EDARADD: variants seen among roughly 807,000 people sequenced by gnomAD.
The protein encoded by EDARADD is ectodysplasin-A receptor-associated adapter protein.
In EDARADD, 20 loss-of-function variants were observed where a neutral mutation model predicts 25.6. The ratio of observed to expected loss-of-function variants is 0.78; its 90% CI spans 0.55 to 1.14. EDARADD has a LOEUF of 1.14. Among genes scored for constraint, EDARADD ranks in the 50% most tolerant of loss-of-function variants. The pLI is 0.00. For synonymous variants in EDARADD, 86 were observed against 94.4 expected (o/e 0.91, Z 0.52); for missense variants, 225 against 270.1 (o/e 0.83, Z 1.17).
rs912660707 is a variant in EDARADD, at chr1:236,421,034, A to G, written c.161-6358A>G. ...CAGGTGTGAGCCACTGTGCCCTGCC[A>G]GGAGAATGTGTTTTGATTGTCTCCT... On this transcript the variant is annotated intron_variant, in intron 3 of 5. Transcript: ENST00000334232. Among the ~76,000 whole-genome samples, 127 of 146,086 alleles carry G rather than the reference A, an allele frequency of 8.7e-4. 7 individuals are homozygous for G. Among genetic ancestry groups the G allele is most frequent in the Non-Finnish European group, 1.5e-3 (101 of 66,146 alleles).
chr1:236,474,075 G>T (rs1169472956), intron 5 of EDARADD, among the ~76,000 whole-genome samples: 3 of 152,078 alleles, frequency 2.0e-5, no homozygotes, highest in Non-Finnish European at 2.9e-5. Context: ...GTTCCTAGAG[G>T]TTCAATGCCC....
At position 236,445,231 on chromosome 1, in the gene EDARADD, A is replaced by ATTTTTTTTTTTTTTTTT. The variant is rs1415805260; in HGVS notation, c.219+17783_219+17784insTTTTTTTTTTTTTTTTT. On this transcript the variant is annotated intron_variant, in intron 4 of 5. Transcript: ENST00000334232. ...TATTGCATTAGCTGGGACATAATAAATTCTTTTTTTTTTTGAGACAGAGTC... is the reference window on the plus strand; with the variant it reads ...TATTGCATTAGCTGGGACATAATAAATTTTTTTTTTTTTTTTTTTCTTTTTTTTTTTGAGACAGAGTC... 1.0e-3 allele frequency among the ~76,000 whole-genome samples: 49 copies of ATTTTTTTTTTTTTTTTT among 47,278 alleles called. 3 individuals carry two copies. Among genetic ancestry groups the ATTTTTTTTTTTTTTTTT allele is most frequent in the Non-Finnish European group, 2.2e-3 (32 of 14,664 alleles). The allele number at this position is 47,278 out of a possible 152,430, so 31.0% of individuals were successfully genotyped here.
intron 3 of EDARADD, among the ~76,000 whole-genome samples, chr1:236,419,285 G>T (rs1415983141): frequency 6.6e-6 from 1 of 152,062 alleles, no homozygotes; most frequent in Non-Finnish European, 1.5e-5. Flanking sequence ...TCCCAGCTAC[G>T]TGGGAGGCTT....
intron 4 of EDARADD, among the ~76,000 whole-genome samples, chr1:236,451,801 C>T (rs1459599213): frequency 6.6e-6 from 1 of 152,118 alleles, no homozygotes; most frequent in African/African-American, 2.4e-5. Context: ...GGACCTGGCT[C>T]TCTCCCTCCT....
chr1:236,360,366 G>A (rs1049286923), intron 3 of EDARADD, among the ~76,000 whole-genome samples: 12 of 151,678 alleles, frequency 7.9e-5, no homozygotes, highest in African/African-American at 2.4e-4. Flanking sequence ...GTACTTAGGA[G>A]ACTAGAAGGA....
chr1:236,421,364 C>T (rs1275936038), intron 3 of EDARADD, among the ~76,000 whole-genome samples: 3 of 145,082 alleles, frequency 2.1e-5, no homozygotes, highest in Non-Finnish European at 4.5e-5. Context: ...AAGCCCATTA[C>T]AAAAAGAGAA....
At chr1:236,353,713 G>A (rs1666944955) in intron 3 of EDARADD, among the ~76,000 whole-genome samples, 1 of 150,756 alleles carries the variant, frequency 6.6e-6, no homozygotes, top group South Asian at 2.1e-4. Context: ...TTGGACTAAG[G>A]TTGGTGTTTA....
At chr1:236,428,790 G>A (rs1333760366) in intron 4 of EDARADD, among the ~76,000 whole-genome samples, 2 of 151,364 alleles carry the variant, frequency 1.3e-5, no homozygotes, top group Non-Finnish European at 3.0e-5. Context: ...CAGGCGGCTG[G>A]GAGGTGGAGG....
chr1:236,443,694 TG>T lies in EDARADD; in HGVS notation c.219+16246del, dbSNP rs1335258066. 2.6e-5 allele frequency among the ~76,000 whole-genome samples: 4 copies of T among 152,242 alleles called. No individual in the cohort carries two copies. In the East Asian group the frequency reaches 7.7e-4, roughly 29 times the overall value. ...AGTTTCTTGTGATGGAATCTGCTCC[TG>T]GCAAAAATGCTGTGAACGTTGTTGA... On this transcript the variant is annotated intron_variant, in intron 4 of 5. Transcript: ENST00000334232.
At chr1:236,364,457 A>G (rs891078142) in intron 3 of EDARADD, among the ~76,000 whole-genome samples, 6 of 152,216 alleles carry the variant, frequency 3.9e-5, no homozygotes, top group Non-Finnish European at 5.9e-5. Context: ...TTTGATTATA[A>G]TTACTTTGAA....
intron 2 of EDARADD, among the ~76,000 whole-genome samples, chr1:236,413,384 T>C (rs1438178815): frequency 6.6e-6 from 1 of 152,194 alleles, no homozygotes; most frequent in African/African-American, 2.4e-5. Context: ...GAAAGGCACT[T>C]AAAACAAAAC....
chr1:236,468,418 G>T, intron 5 of EDARADD, 142 bp downstream of exon 5: 1 of 786,732 alleles, frequency 1.3e-6, no homozygotes, highest in Non-Finnish European at 2.2e-6. Context: ...GAGGTCAGGA[G>T]TTCAAGACCA....
intron 5 of EDARADD, among the ~76,000 whole-genome samples, chr1:236,477,434 C>T (rs532865322): frequency 6.6e-6 from 1 of 152,182 alleles, no homozygotes; most frequent in Non-Finnish European, 1.5e-5. Context: ...AGCAGAGATA[C>T]CTATCTGTTC....
chr1:236,471,302 T>C (rs920640004), intron 5 of EDARADD, among the ~76,000 whole-genome samples: 1 of 152,140 alleles, frequency 6.6e-6, no homozygotes, highest in Non-Finnish European at 1.5e-5. Context: ...AGTTTCTTAG[T>C]AGATAAAAAT....
At chr1:236,476,838 A>T (rs936550493) in intron 5 of EDARADD, among the ~76,000 whole-genome samples, 1 of 151,922 alleles carries the variant, frequency 6.6e-6, no homozygotes, top group Non-Finnish European at 1.5e-5. Context: ...AAAAAGTTTT[A>T]AAAAATTAAA....
chr1:236,376,606 A>T (rs1396344844), intron 3 of EDARADD, among the ~76,000 whole-genome samples: 1 of 151,982 alleles, frequency 6.6e-6, no homozygotes, highest in African/African-American at 2.4e-5. Context: ...TTTTCTCTGT[A>T]TTTGATTTCC....
upstream of EDARADD, among the ~76,000 whole-genome samples, chr1:236,391,885 G>A (rs570316519): frequency 3.3e-5 from 5 of 152,256 alleles, no homozygotes; most frequent in South Asian, 6.2e-4. Flanking sequence ...TAAAGCCTCG[G>A]AATTTGCCTG....
chr1:236,446,962 CA>C (rs974525568), intron 4 of EDARADD, among the ~76,000 whole-genome samples: 4 of 152,232 alleles, frequency 2.6e-5, no homozygotes, highest in Admixed American at 1.3e-4. Context: ...TGGTGGTAAA[CA>C]AAAGACAAGA....
chr1:236,392,782 G>A (rs1262468498), upstream of EDARADD, among the ~76,000 whole-genome samples: 5 of 152,076 alleles, frequency 3.3e-5, no homozygotes, highest in African/African-American at 9.7e-5. Context: ...TGATTCTCCT[G>A]CCTCAGCCTC....
Sources: allele counts gnomAD v4.1 joint callset (sites outside exome capture counted in the v4.1 genomes callset), GRCh38; gene constraint gnomAD v4.1.1; transcripts MANE v1.5; gene names NCBI Gene and HGNC (gene_info 2026-07-23, HGNC 2026-07-21).